NPIPB7: variants seen among roughly 807,000 people sequenced by gnomAD.
NPIPB7 encodes the protein nuclear pore complex-interacting protein family member B7.
For missense variants in NPIPB7, 14 were observed against 238.5 expected, an observed-to-expected ratio of 0.06 and a Z score of 6.20; for synonymous variants, 9 against 88.1, an observed-to-expected ratio of 0.10 and a Z score of 5.03.
chr16:28,469,362 G>A (rs1234310692), intron 1 of NPIPB7, among the ~76,000 whole-genome samples: 1 of 117,470 alleles, frequency 8.5e-6, no homozygotes, highest in Non-Finnish European at 2.0e-5. Context: ...ACTTTGGGAG[G>A]CCGAGGCGGG....
At chr16:28,465,497 GAAAAA>G (rs1168333643) in intron 2 of NPIPB7, among the ~76,000 whole-genome samples, 1 of 74,324 alleles carries the variant, frequency 1.3e-5, no homozygotes, top group African/African-American at 4.7e-5. Context: ...GGTGAGAAAA[GAAAAA>G]AAAAAAAAAA....
At chr16:28,469,708 G>T in intron 1 of NPIPB7, 2 of 382,564 alleles carry the variant, frequency 5.2e-6, no homozygotes, top group Non-Finnish European at 1.0e-5. Flanking sequence ...ATATATTTTG[G>T]CCAGGCGCGG....
chr16:28,469,850 T>C (rs1397196723), intron 1 of NPIPB7: 1 of 302,362 alleles, frequency 3.3e-6, no homozygotes, highest in Non-Finnish European at 6.4e-6. Flanking sequence ...CCAGGCGTTG[T>C]AATCTGAGCT....
upstream of NPIPB7, among the ~76,000 whole-genome samples, chr16:28,472,103 G>A (rs911602738): frequency 2.0e-5 from 3 of 152,226 alleles, no homozygotes; most frequent in Non-Finnish European, 4.4e-5. Flanking sequence ...AATTAAGACA[G>A]TGTTGTATTG....
chr16:28,467,850 T>A (rs2045914789), intron 1 of NPIPB7, among the ~76,000 whole-genome samples: 3 of 119,844 alleles, frequency 2.5e-5, no homozygotes, highest in Non-Finnish European at 3.6e-5. Flanking sequence ...AGTGCTGGGA[T>A]TACAGGCATG....
At chr16:28,461,220 G>C (rs1364435044) in intron 4 of NPIPB7, among the ~76,000 whole-genome samples, 2 of 150,388 alleles carry the variant, frequency 1.3e-5, no homozygotes, top group African/African-American at 4.9e-5. Context: ...CACTGGCTCT[G>C]GTTGAGACCC....
At chr16:28,459,468 ACTCT>A (rs1289348408) in intron 4 of NPIPB7, among the ~76,000 whole-genome samples, 9 of 51,088 alleles carry the variant, frequency 1.8e-4, no homozygotes, top group Admixed American at 2.0e-4. Context: ...TGTTTTGTGA[ACTCT>A]CTCTCTCTCT....
chr16:28,469,773 T>C (rs1475856587), intron 1 of NPIPB7: 5 of 375,744 alleles, frequency 1.3e-5, no homozygotes, highest in African/African-American at 2.2e-5. Context: ...GATCACGAGG[T>C]CAAGAGATGG....
chr16:28,463,433 A>ACACACACAC (rs56397760), intron 2 of NPIPB7, among the ~76,000 whole-genome samples: 1 of 110,420 alleles, frequency 9.1e-6, no homozygotes, highest in African/African-American at 3.6e-5. Context: ...ACACACACAC[A>ACACACACAC]AGAATGACAT....
intron 2 of NPIPB7, among the ~76,000 whole-genome samples, chr16:28,464,793 G>A (rs2045896004): frequency 1.4e-5 from 2 of 147,538 alleles, no homozygotes; most frequent in African/African-American, 5.1e-5. Context: ...CACCTGGCCT[G>A]AAATAATATC....
chr16:28,465,647 CG>C (rs1362282760), intron 2 of NPIPB7, among the ~76,000 whole-genome samples: 2 of 95,376 alleles, frequency 2.1e-5, no homozygotes, highest in African/African-American at 7.2e-5. Flanking sequence ...TGCCAAATGA[CG>C]TGTAATTATC....
At chr16:28,465,603 A>G (rs1935870369) in intron 2 of NPIPB7, among the ~76,000 whole-genome samples, 1 of 133,734 alleles carries the variant, frequency 7.5e-6, no homozygotes, top group South Asian at 2.4e-4. Context: ...CATAACTCAT[A>G]TATTTTCTGT....
chr16:28,470,916 T>C (rs2045946405), upstream of NPIPB7, among the ~76,000 whole-genome samples: 1 of 109,432 alleles, frequency 9.1e-6, no homozygotes, highest in Non-Finnish European at 1.9e-5. Context: ...GTCTGGGCCC[T>C]CCCTTAGCAA....
In NPIPB7 at chr16:28,467,495, A is replaced by ATC. The variant is rs1375302677; in HGVS notation, c.67-595_67-594dup. On this transcript the variant is annotated intron_variant, in intron 1 of 6. Coordinates refer to ENST00000452313, the Ensembl canonical transcript of NPIPB7. Reference sequence around the variant, plus strand: ...TCTGGCCTTGAACTCCTGGCAGGCGATCTGCCTGCCTCGGCCTCCCAAAGT... The same window carrying ATC: ...TCTGGCCTTGAACTCCTGGCAGGCGATCTCTGCCTGCCTCGGCCTCCCAAAGT... Among the ~76,000 whole-genome samples, 6 of 145,540 alleles carry ATC rather than the reference A, an allele frequency of 4.1e-5. No individual in the cohort carries two copies. In the South Asian group the frequency reaches 1.1e-3, roughly 27 times the overall value.
intron 1 of NPIPB7, chr16:28,469,844 G>C (rs1448354227): frequency 6.6e-6 from 2 of 303,292 alleles, no homozygotes; most frequent in African/African-American, 4.6e-5. Context: ...AATTAGCCAG[G>C]CGTTGTAATC....
intron 4 of NPIPB7, among the ~76,000 whole-genome samples, chr16:28,462,448 T>A (rs1373901702): frequency 6.9e-6 from 1 of 145,546 alleles, no homozygotes; most frequent in Admixed American, 6.8e-5. Context: ...GGAAAACCAA[T>A]GCCAGTACTA....
At chr16:28,462,144 G>C (rs62034276) in intron 4 of NPIPB7, among the ~76,000 whole-genome samples, 2 of 149,770 alleles carry the variant, frequency 1.3e-5, no homozygotes, top group South Asian at 2.1e-4. Context: ...AAAAGGCTGG[G>C]TGTGGTGGCT....
upstream of NPIPB7, among the ~76,000 whole-genome samples, chr16:28,472,076 C>G (rs1047833290): frequency 6.6e-6 from 1 of 152,190 alleles, no homozygotes; most frequent in Non-Finnish European, 1.5e-5. Flanking sequence ...TTCAAAAGCT[C>G]ACTACAAAGC....
chr16:28,463,727 C>CAAA (rs1199745082), intron 2 of NPIPB7, among the ~76,000 whole-genome samples: 16 of 15,096 alleles, frequency 1.1e-3, no homozygotes, highest in South Asian at 6.0e-3. Context: ...AACTCTGTCT[C>CAAA]AAAAAAAAAA....
Sources: gnomAD v4.1 joint callset for allele counts (sites outside exome capture counted in the v4.1 genomes callset) on GRCh38, gnomAD v4.1.1 for gene constraint, MANE v1.5 for transcripts, NCBI Gene and HGNC (gene_info 2026-07-23, HGNC 2026-07-21) for gene names.